Variants in MAP3K15 observed in about 807,000 individuals in gnomAD.
The protein encoded by MAP3K15 is mitogen-activated protein kinase kinase kinase 15.
In MAP3K15, 124 loss-of-function variants were observed where a neutral mutation model predicts 99.5. The ratio of observed to expected loss-of-function variants is 1.25; its 90% confidence interval spans 1.08 to 1.45. The LOEUF is 1.45. Among genes scored for constraint, MAP3K15 ranks in the 40% most tolerant of loss-of-function variants. The pLI is 0.00. For synonymous variants in MAP3K15, 494 were observed against 439.6 expected (o/e 1.12, Z -1.55); for missense variants, 1,242 against 1,079.7 (o/e 1.15, Z -2.11).
intron 6 of MAP3K15, 36 bp from the exon 7 acceptor site, chrX:19,431,644 A>T: frequency 3.5e-6 from 4 of 1,144,714 alleles, no homozygotes; most frequent in Non-Finnish European, 3.5e-6. Flanking sequence ...CAAATGAATC[A>T]ATCAAGACAA....
At chrX:19,371,154 C>T (rs985744798) in intron 23 of MAP3K15, 90 bp from the exon 24 acceptor site, 35 of 830,983 alleles carry the variant, frequency 4.2e-5, no homozygotes, top group East Asian at 1.0e-4. Flanking sequence ...AACCTACACT[C>T]ATCCTCTTGG....
At chrX:19,363,674 A>T (rs1176486084) in intron 25 of MAP3K15, among the ~76,000 whole-genome samples, 1 of 101,325 alleles carries the variant, frequency 9.9e-6, no homozygotes, top group Non-Finnish European at 2.0e-5. Flanking sequence ...TTTTTTGGAG[A>T]CAGAGTCTCA....
chrX:19,428,044 C>A, intron 7 of MAP3K15, among the ~76,000 whole-genome samples: 1 of 111,459 alleles, frequency 9.0e-6, no homozygotes, highest in East Asian at 2.8e-4. Context: ...CTCCAGAAGT[C>A]AAGCAGGCCC....
chrX:19,462,036 CACAA>C (rs2064136960), intron 4 of MAP3K15, among the ~76,000 whole-genome samples: 1 of 103,797 alleles, frequency 9.6e-6, no homozygotes, highest in Middle Eastern at 4.8e-3. Flanking sequence ...CACACACACA[CACAA>C]AACAAAGCTG....
At chrX:19,471,429 A>AT (rs2064207112) in intron 3 of MAP3K15, among the ~76,000 whole-genome samples, 1 of 110,655 alleles carries the variant, frequency 9.0e-6, no homozygotes, top group African/African-American at 3.3e-5. Context: ...ACACCAGCTA[A>AT]TTTTGTATTT....
chrX:19,458,490 C>T (rs944403379), intron 5 of MAP3K15, among the ~76,000 whole-genome samples: 9 of 111,275 alleles, frequency 8.1e-5, no homozygotes, highest in Admixed American at 7.7e-4. Context: ...ATCAGCCTGC[C>T]CAACATGGTG....
intron 16 of MAP3K15, among the ~76,000 whole-genome samples, chrX:19,394,410 G>T (rs1450831937): frequency 9.0e-6 from 1 of 111,466 alleles, no homozygotes; most frequent in Non-Finnish European, 1.9e-5. Context: ...ATAACAATTT[G>T]CCTGAAGTCA....
chrX:19,511,095 G>A (rs1801215181), intron 1 of MAP3K15, among the ~76,000 whole-genome samples: 1 of 111,912 alleles, frequency 8.9e-6, no homozygotes, highest in African/African-American at 3.2e-5. Context: ...AATAAATGGT[G>A]CTGGGAAAAC....
intron 18 of MAP3K15, among the ~76,000 whole-genome samples, chrX:19,384,567 C>T (rs752113932): frequency 6.5e-5 from 7 of 107,256 alleles, no homozygotes; most frequent in African/African-American, 2.4e-4. Flanking sequence ...CAGCGAAACC[C>T]CATCTCTACT....
At chrX:19,419,610 G>A (rs2147290202) in intron 9 of MAP3K15, among the ~76,000 whole-genome samples, 1 of 111,201 alleles carries the variant, frequency 9.0e-6, no homozygotes, top group South Asian at 3.8e-4. Context: ...ACACCCCACT[G>A]TCAACATTAG....
chrX:19,373,595 C>G lies in MAP3K15; in HGVS notation c.2874G>C (p.Gln958His). ...HGSVSPDSDA[Q>H]PDALFERTRA... ...GGGTCCTCTCAAAGAGTGCGTCAGG[C>G]TGGGCGTCGGAGTCTGGGGAGACAG... Residue 958 changes from glutamine to histidine, a missense_variant, in exon 21 of 29, where the codon CAG becomes CAC. By Grantham distance (24) the Gln-to-His change is conservative. Coordinates refer to ENST00000338883, the MANE Select transcript of MAP3K15 (RefSeq NM_001001671.4). 1.7e-6 allele frequency: 2 copies of G among 1,184,528 alleles called. No individual in the cohort carries two copies. Among genetic ancestry groups the G allele is most frequent in the Middle Eastern group, 2.4e-4 (1 of 4,144 alleles).
At chrX:19,388,701 C>T (rs2063507804) in intron 18 of MAP3K15, among the ~76,000 whole-genome samples, 1 of 111,749 alleles carries the variant, frequency 8.9e-6, no homozygotes, top group Non-Finnish European at 1.9e-5. Context: ...CAAGGTCACA[C>T]AGCTAGCAAG....
chrX:19,474,559 T>A (rs1214596614), intron 3 of MAP3K15, among the ~76,000 whole-genome samples: 1 of 89,938 alleles, frequency 1.1e-5, no homozygotes, highest in Admixed American at 1.3e-4. Flanking sequence ...GGGGGGTCTG[T>A]GAACTTGAAA....
At chrX:19,396,309 T>C (rs780399977) in intron 15 of MAP3K15, among the ~76,000 whole-genome samples, 5 of 112,033 alleles carry the variant, frequency 4.5e-5, no homozygotes, top group African/African-American at 9.7e-5. Context: ...AAAGGTCCCT[T>C]CTAGCTCTTA....
chrX:19,434,397 T>A (rs5955780), intron 6 of MAP3K15, among the ~76,000 whole-genome samples: 2 of 106,617 alleles, frequency 1.9e-5, no homozygotes, highest in African/African-American at 7.0e-5. Flanking sequence ...GCTAATTTTT[T>A]AATTTTTTTT....
chrX:19,413,622 C>T (rs1053030902), intron 10 of MAP3K15, among the ~76,000 whole-genome samples, 158 bp from the exon 11 acceptor site: 3 of 84,465 alleles, frequency 3.6e-5, no homozygotes, highest in African/African-American at 1.5e-4. Context: ...AGGTTGAGGT[C>T]GGAGGATCAC....
rs377362996 is a variant in MAP3K15, at chrX:19,413,113, TACACAC to T, written c.1698+238_1698+243del. On this transcript the variant is annotated intron_variant, in intron 11 of 28. Coordinates refer to ENST00000338883, the MANE Select transcript of MAP3K15 (RefSeq NM_001001671.4). Reference sequence around the variant, plus strand: ...ACCTGTATTTGTTTTAATGTTTTTATACACACACACACACACACACACACACACACT... The same window carrying T: ...ACCTGTATTTGTTTTAATGTTTTTATACACACACACACACACACACACACT... 1.2e-4 allele frequency among the ~76,000 whole-genome samples: 12 copies of T among 98,687 alleles called. No homozygotes were observed. The South Asian group carries it at 1.4e-3, about 12-fold the overall frequency. 85.7% of individuals were successfully genotyped at this position (98,687 alleles called of 115,157 possible).
chrX:19,475,458 C>A (rs774599700), intron 3 of MAP3K15, among the ~76,000 whole-genome samples: 17 of 110,839 alleles, frequency 1.5e-4, no homozygotes, highest in Non-Finnish European at 2.1e-4. Flanking sequence ...CTGGGAAGGG[C>A]CCATAGGCTC....
intron 25 of MAP3K15, among the ~76,000 whole-genome samples, chrX:19,366,078 T>TAGAG (rs1365437889): frequency 9.6e-6 from 1 of 104,578 alleles, no homozygotes; most frequent in African/African-American, 3.5e-5. Flanking sequence ...ACTGCAACAG[T>TAGAG]AGAGAGATGA....
Sources: gnomAD v4.1 joint callset for allele counts (sites outside exome capture counted in the v4.1 genomes callset) on GRCh38, gnomAD v4.1.1 for gene constraint, MANE v1.5 for transcripts, NCBI Gene and HGNC (gene_info 2026-07-23, HGNC 2026-07-21) for gene names.